Variants in LRP3 observed in about 807,000 individuals in gnomAD.
LRP3 encodes the protein LDL receptor related protein 3, also known as low-density lipoprotein receptor-related protein 3.
A neutral mutation model predicts 58.5 loss-of-function variants in LRP3; 49 were observed. The ratio of observed to expected loss-of-function variants is 0.84; its 90% CI spans 0.67 to 1.06. LRP3 has a LOEUF of 1.06. Among genes scored for constraint, LRP3 ranks in the 50% least tolerant of loss-of-function variants. The probability of loss-of-function intolerance (pLI) is 0.00; values close to 1 mark genes in which losing one functional copy is unlikely to be tolerated. For missense variants in LRP3, 1,019 were observed against 1,134.2 expected, an observed-to-expected ratio of 0.90 and a Z score of 1.46; for synonymous variants, 485 against 492.2, an observed-to-expected ratio of 0.99 and a Z score of 0.20.
chr19:33,203,781 TG>T (rs1974369296), intron 3 of LRP3: 1 of 139,712 alleles, frequency 7.2e-6, no homozygotes, highest in Non-Finnish European at 1.5e-5. Flanking sequence ...CCTGCAGGGG[TG>T]GCTGGGGGCC....
rs1974406309 is a variant in LRP3, at chr19:33,206,139, C to G, written c.1369C>G (p.Pro457Ala). Residue 457 changes from proline to alanine, a missense_variant, in exon 5 of 7, where the codon CCC (proline) becomes GCC (alanine). Physicochemically the swap from Pro to Ala is conservative, Grantham distance 27. Coordinates refer to ENST00000253193, the MANE Select transcript of LRP3 (RefSeq NM_002333.4). ...CGAGAAGAACTGCTTCTCCTGCCAGCCCGGCACCTTCCACTGCGGTACCAA... is the reference window on the plus strand; with the variant it reads ...CGAGAAGAACTGCTTCTCCTGCCAGGCCGGCACCTTCCACTGCGGTACCAA... ...ADEKNCFSCQ[P>A]GTFHCGTNLC... 1 of 1,608,400 alleles carries G rather than the reference C, an allele frequency of 6.2e-7. No individual in the cohort carries two copies. Among genetic ancestry groups the G allele is most frequent in the East Asian group, 2.2e-5 (1 of 44,780 alleles).
Position 33,208,689 on chromosome 19 carries a change from G to T in LRP3, c.*1114G>T. On this transcript the variant is annotated 3_prime_UTR_variant, in exon 7 of 7. Coordinates refer to ENST00000253193, the MANE Select transcript of LRP3 (RefSeq NM_002333.4). This position sits in a 1 kb window ranked among gnomAD's most constrained non-coding sequence, Gnocchi z 4.7. ...GAACAGCCAGCCCTGTTTATTTATA[G>T]GCCTTTTCAGGAAGAGCTAGCAGGG... The T allele has an allele frequency of 1.5e-6, 1 of 662,212 alleles. No homozygotes were observed. The highest frequency in any genetic ancestry group is 2.6e-6 in the Non-Finnish European group (1 of 391,106). 41.0% of individuals were successfully genotyped at this position (662,212 alleles called of 1,614,324 possible).
intron 2 of LRP3, among the ~76,000 whole-genome samples, chr19:33,202,212 G>A (rs915177899): frequency 2.6e-5 from 4 of 152,220 alleles, no homozygotes; most frequent in Admixed American, 1.3e-4. Flanking sequence ...TCCAGGTGGC[G>A]TTTCCAGCCA....
chr19:33,207,754 G>GC lies in LRP3; in HGVS notation c.*179_*180insC, dbSNP rs1232498710. The GC allele has an allele frequency of 2.5e-4, 89 of 352,992 alleles. No homozygotes were observed. The highest frequency in any genetic ancestry group is 1.2e-3 in the African/African-American group (54 of 45,880). 21.9% of individuals were successfully genotyped at this position (352,992 alleles called of 1,614,324 possible). A position where few individuals can be genotyped will look rare whatever the true frequency, so the allele number is the denominator to read the frequency against. On this transcript the variant is annotated 3_prime_UTR_variant, in exon 7 of 7. Transcript: ENST00000253193. ...GCGGGAGCTGTGGGACTGAACGGCG[G>GC]GGGGGAGAAGAGTGGAGTGGTGAGC...
chr19:33,202,612 T>C (rs1293340515), intron 2 of LRP3, among the ~76,000 whole-genome samples: 1 of 152,108 alleles, frequency 6.6e-6, no homozygotes, highest in Non-Finnish European at 1.5e-5. Context: ...TAGGCTGTAG[T>C]CCACTGCATA....
intron 4 of LRP3, 123 bp from the exon 5 acceptor site, chr19:33,205,123 T>G: frequency 9.2e-7 from 1 of 1,090,288 alleles, no homozygotes; most frequent in Non-Finnish European, 1.3e-6. Flanking sequence ...CACCCTGGTG[T>G]TGGAGGGGTC....
chr19:33,203,475 ATG>A (rs1974365959), intron 3 of LRP3, among the ~76,000 whole-genome samples: 1 of 152,208 alleles, frequency 6.6e-6, no homozygotes, highest in Non-Finnish European at 1.5e-5. Context: ...GAGAGCGTGT[ATG>A]TGCGCATGCA....
At chr19:33,196,281 G>A (rs1395192632) in intron 1 of LRP3, among the ~76,000 whole-genome samples, 1 of 152,170 alleles carries the variant, frequency 6.6e-6, no homozygotes, top group Non-Finnish European at 1.5e-5. Flanking sequence ...GCCAGGGTGC[G>A]GTGGCAGGTG....
chr19:33,194,467 G>A lies in LRP3; in HGVS notation c.-319G>A, dbSNP rs1974262682. Reference sequence around the variant, plus strand: ...CGCCGGGGGTCCCCGGGCCCAGGCCGGCCGCGGCGGGGCTCCCGGGGCGCG... The same window carrying A: ...CGCCGGGGGTCCCCGGGCCCAGGCCAGCCGCGGCGGGGCTCCCGGGGCGCG... On this transcript the variant is annotated 5_prime_UTR_variant, in exon 1 of 7. Coordinates refer to ENST00000253193, the MANE Select transcript of LRP3 (RefSeq NM_002333.4). 1 of 143,832 alleles carries A rather than the reference G, an allele frequency of 7.0e-6. No homozygotes were observed. Among genetic ancestry groups the A allele is most frequent in the Non-Finnish European group, 1.5e-5 (1 of 64,942 alleles). The allele number at this position is 143,832 out of a possible 1,614,324, so 8.9% of individuals were successfully genotyped here.
intron 6 of LRP3, 121 bp from the exon 7 acceptor site, chr19:33,206,867 G>C: frequency 8.2e-7 from 1 of 1,216,498 alleles, no homozygotes; most frequent in Non-Finnish European, 1.1e-6. Context: ...CAGGTGGGGG[G>C]GGTGGACAAG....
Position 33,207,067 on chromosome 19 carries a change from G to A in LRP3, c.1805G>A (p.Arg602His), listed in dbSNP as rs1039580548. The part of the protein sequence containing the change: ...RHASRRGPSR[R>H]RLGRLWNRLF... Reference sequence around the variant, plus strand: ...GCCTCCCGCCGGGGGCCCTCCCGCCGCCGCCTCGGCCGCCTCTGGAACCGG... The same window carrying A: ...GCCTCCCGCCGGGGGCCCTCCCGCCACCGCCTCGGCCGCCTCTGGAACCGG... Residue 602 changes from arginine (R) to histidine (H), a missense_variant, in exon 7 of 7, where the codon CGC (arginine) becomes CAC (histidine). Around this residue, in one of 2 missense-constraint regions of LRP3, gnomAD observed 427 missense variants for 408.6 expected, o/e 1.04. Transcript: ENST00000253193. 2.1e-5 allele frequency: 32 copies of A among 1,489,276 alleles called. No homozygotes were observed. Among genetic ancestry groups the A allele is most frequent in the East Asian group, 1.0e-4 (4 of 39,446 alleles). 92.3% of individuals were successfully genotyped at this position (1,489,276 alleles called of 1,614,324 possible).
Position 33,205,576 on chromosome 19 carries a change from A to G in LRP3, c.806A>G (p.Asp269Gly), listed in dbSNP as rs1974394216. Residue 269 changes from aspartate to glycine, a missense_variant, in exon 5 of 7, where the codon GAC (aspartate) becomes GGC (glycine). Transcript: ENST00000253193. ...GSFYGSFASP[D>G]LFGAARGPSD... ...TTCTACGGCTCCTTTGCCTCCCCAG[A>G]CCTGTTCGGCGCCGCTCGCGGGCCC... 6.2e-7 allele frequency: 1 copy of G among 1,608,404 alleles called. No homozygotes were observed. The highest frequency in any genetic ancestry group is 1.1e-5 in the South Asian group (1 of 90,946).
chr19:33,203,049 AAT>A, intron 3 of LRP3, 63 bp downstream of exon 3: 1 of 1,575,050 alleles, frequency 6.3e-7, no homozygotes, highest in Non-Finnish European at 8.6e-7. Flanking sequence ...GGTGGGTGAG[AAT>A]GTGTGTGTGT....
In LRP3 at chr19:33,206,102, C is replaced by T. The variant is rs201999025; in HGVS notation, c.1332C>T (p.Pro444=). Reference sequence around the variant, plus strand: ...GCTGCAACAACCAGAAAAGCTGTCCCGACGGCGCCGACGAGAAGAACTGCT... The same window carrying T: ...GCTGCAACAACCAGAAAAGCTGTCCTGACGGCGCCGACGAGAAGAACTGCT... ...ADRCNNQKSC[P]DGADEKNCFS... Residue 444 remains proline (P), a synonymous_variant, in exon 5 of 7, where the codon CCC becomes CCT. Coordinates refer to ENST00000253193, the MANE Select transcript of LRP3 (RefSeq NM_002333.4). 6.2e-5 allele frequency: 99 copies of T among 1,609,180 alleles called. No homozygotes were observed. The highest frequency in any genetic ancestry group is 1.7e-4 in the Middle Eastern group (1 of 6,056).
At position 33,205,271 on chromosome 19, in the gene LRP3, G is replaced by C; in HGVS notation, c.501G>C (p.Gln167His). ...GGAAGCTGGGCCAGGCATCCTGCCA[G>C]GCAGATGAGTTCCGCTGTGACAACG... ...IRGKLGQASC[Q>H]ADEFRCDNGK... Residue 167 changes from glutamine (Q) to histidine (H), a missense_variant, in exon 5 of 7, where the codon CAG becomes CAC. Around this residue, in one of 2 missense-constraint regions of LRP3, gnomAD observed 592 missense variants for 725.5 expected, o/e 0.82. Coordinates refer to ENST00000253193, the MANE Select transcript of LRP3 (RefSeq NM_002333.4). 6.2e-7 allele frequency: 1 copy of C among 1,609,918 alleles called. No homozygotes were observed. Among genetic ancestry groups the C allele is most frequent in the Non-Finnish European group, 8.5e-7 (1 of 1,178,666 alleles).
Position 33,205,462 on chromosome 19 carries a change from A to G in LRP3, c.692A>G (p.Glu231Gly), listed in dbSNP as rs751228054. 2 of 1,585,628 alleles carry G rather than the reference A, an allele frequency of 1.3e-6. No individual in the cohort carries two copies. Among genetic ancestry groups the G allele is most frequent in the South Asian group, 1.1e-5 (1 of 88,976 alleles). Residue 231 changes from glutamate (E) to glycine (G), a missense_variant, in exon 5 of 7, where the codon GAG becomes GGG. Glu to Gly is a moderately conservative substitution (Grantham distance 98). Around this residue, in one of 2 missense-constraint regions of LRP3, gnomAD observed 592 missense variants for 725.5 expected, o/e 0.82. Coordinates refer to ENST00000253193, the MANE Select transcript of LRP3 (RefSeq NM_002333.4). The part of the protein sequence containing the change: ...GARSTRCLPV[E>G]RRCDGLQDCG... ...CGCTCCACGCGCTGCCTGCCTGTGG[A>G]GCGGCGCTGTGACGGCTTGCAGGAC...
At chr19:33,206,441 A>T (rs554245380) in intron 5 of LRP3, 79 bp downstream of exon 5, 1 of 1,595,694 alleles carries the variant, frequency 6.3e-7, no homozygotes, top group South Asian at 1.1e-5. Flanking sequence ...TGGGTTTGCA[A>T]ACGGGGGCCT....
At position 33,205,409 on chromosome 19, in the gene LRP3, C is replaced by CG. The variant is rs1974390531; in HGVS notation, c.645dup (p.Thr216AspfsTer20). 1 of 1,594,192 alleles carries CG rather than the reference C, an allele frequency of 6.3e-7. No homozygotes were observed. The highest frequency in any genetic ancestry group is 8.6e-7 in the Non-Finnish European group (1 of 1,169,538). ...CCGAGCCTCCAGGCAGCCTGTGCCC[C>CG]GGGGGGACCTTCCCATGCAGCGGGG... On this transcript the variant is annotated frameshift_variant, in exon 5 of 7. Coordinates refer to ENST00000253193, the MANE Select transcript of LRP3 (RefSeq NM_002333.4). LOFTEE classifies it high-confidence loss of function.
rs754839310 is a variant in LRP3 at position 33,205,475 on chromosome 19, C to T, written c.705C>T (p.Asp235=). 29 of 1,584,498 alleles carry T rather than the reference C, an allele frequency of 1.8e-5. No homozygotes were observed. Among genetic ancestry groups the T allele is most frequent in the Admixed American group, 3.4e-5 (2 of 58,174 alleles). Residue 235 remains aspartate (D), a synonymous_variant, in exon 5 of 7, where the codon GAC becomes GAT. Coordinates refer to ENST00000253193, the MANE Select transcript of LRP3 (RefSeq NM_002333.4). The part of the protein sequence containing the change: ...TRCLPVERRC[D]GLQDCGDGSD... Reference sequence around the variant, plus strand: ...GCCTGCCTGTGGAGCGGCGCTGTGACGGCTTGCAGGACTGCGGCGACGGCT... The same window carrying T: ...GCCTGCCTGTGGAGCGGCGCTGTGATGGCTTGCAGGACTGCGGCGACGGCT...
Sources: gnomAD v4.1 joint callset for allele counts (sites outside exome capture counted in the v4.1 genomes callset) on GRCh38, gnomAD v4.1.1 for gene constraint, gnomAD v4.1.1 regional missense constraint, Gnocchi (gnomAD v3.1) non-coding constraint, MANE v1.5 for transcripts, NCBI Gene and HGNC (gene_info 2026-07-23, HGNC 2026-07-21) for gene names.